Variants in RPL19 observed in about 807,000 individuals in gnomAD.
RPL19 encodes the protein ribosomal protein L19.
RPL19 carries 2 observed loss-of-function variants against 25.1 expected under a neutral mutation model. That is an observed-to-expected ratio of 0.08 (90% CI 0.03 to 0.25). The LOEUF (loss-of-function observed/expected upper bound fraction) is 0.25, where lower values mean the gene tolerates loss of function less well. Ranked by LOEUF, RPL19 falls within the 10% of genes least tolerant of loss-of-function variation. RPL19 has a pLI of 1.00. For missense variants in RPL19, 123 were observed against 271.8 expected (o/e 0.45, Z 3.85); for synonymous variants, 89 against 91.2 (o/e 0.98, Z 0.14).
chr17:39,202,448 G>A lies in RPL19; in HGVS notation c.235+9G>A. 3 of 1,614,024 alleles carry A rather than the reference G, an allele frequency of 1.9e-6. No homozygotes were observed. The highest frequency in any genetic ancestry group is 1.7e-6 in the Non-Finnish European group (2 of 1,179,964). ...CAGGCACATGGGCATAGGTAAGTGT[G>A]GTCATCTTCTCCTTAAGAAATGATA... is the stretch of plus-strand genomic sequence containing the variant. On this transcript the variant is annotated intron_variant, in intron 3 of 5. Coordinates refer to ENST00000225430, the MANE Select transcript of RPL19 (RefSeq NM_000981.4).
At chr17:39,202,717 G>A in intron 3 of RPL19, 1 of 590,456 alleles carries the variant, frequency 1.7e-6, no homozygotes, top group Non-Finnish European at 3.0e-6. Flanking sequence ...CTTACAACGT[G>A]CTGTGTTGCC....
chr17:39,203,735 G>T (rs2046306173), intron 4 of RPL19, among the ~76,000 whole-genome samples: 1 of 151,404 alleles, frequency 6.6e-6, no homozygotes, highest in African/African-American at 2.4e-5. Flanking sequence ...TCGAACTCCT[G>T]GCCTCAAGTG....
intron 4 of RPL19, among the ~76,000 whole-genome samples, chr17:39,203,404 A>C (rs569588397): frequency 9.9e-4 from 150 of 151,620 alleles, no homozygotes; most frequent in African/African-American, 3.5e-3. Context: ...GATGGTCTCG[A>C]TCTCCTGGCC....
chr17:39,204,615 G>T lies in RPL19; in HGVS notation c.558G>T (p.Lys186Asn). Reference protein sequence around the residue: ...RLQAKKEEIIKTLSKEEETKK With the variant: ...RLQAKKEEIINTLSKEEETKK ...AGGCCAAGAAGGAGGAGATCATCAA[G>T]ACTTTATCCAAGGAGGAAGAGACCA... is the stretch of plus-strand genomic sequence containing the variant. Residue 186 changes from lysine to asparagine, a missense_variant, in exon 6 of 6, where the codon AAG (lysine) becomes AAT (asparagine). Coordinates refer to ENST00000225430, the MANE Select transcript of RPL19 (RefSeq NM_000981.4). 6.2e-7 allele frequency: 1 copy of T among 1,614,150 alleles called. No individual in the cohort carries two copies. The highest frequency in any genetic ancestry group is 1.1e-5 in the South Asian group (1 of 91,074).
In RPL19 at chr17:39,203,116, A is replaced by G; in HGVS notation, c.356+7A>G. 4 of 1,605,080 alleles carry G rather than the reference A, an allele frequency of 2.5e-6. No individual in the cohort carries two copies. Among genetic ancestry groups the G allele is most frequent in the Non-Finnish European group, 3.4e-6 (4 of 1,175,710 alleles). ...AGAAGATCGATCGCCACATGTAAGC[A>G]CACCCTCTTGGGCCCAGTACCCATT... is the stretch of plus-strand genomic sequence containing the variant. On this transcript the variant is annotated splice_region_variant and intron_variant, in intron 4 of 5. Transcript: ENST00000225430.
At chr17:39,204,352 C>G (rs540599439) in intron 5 of RPL19, among the ~76,000 whole-genome samples, 165 bp downstream of exon 5, 1 of 152,352 alleles carries the variant, frequency 6.6e-6, no homozygotes, top group South Asian at 2.1e-4. Context: ...TACACACCCA[C>G]TCTTCCTGTC....
At chr17:39,202,967 T>A in intron 3 of RPL19, 22 bp from the exon 4 acceptor site, 11 of 1,613,798 alleles carry the variant, frequency 6.8e-6, no homozygotes, top group Non-Finnish European at 8.5e-6. Context: ...AGTGGCCCGT[T>A]CCTAACTCAT....
In RPL19 at chr17:39,202,997, A is replaced by G. The variant is rs2046301210; in HGVS notation, c.244A>G (p.Lys82Glu). The G allele has an allele frequency of 1.2e-6, 2 of 1,613,692 alleles. No individual in the cohort carries two copies. Among genetic ancestry groups the G allele is most frequent in the Admixed American group, 1.7e-5 (1 of 59,956 alleles). The change falls in exon 4 of 6, where the codon AAG becomes GAG. Residue 82 changes from lysine to glutamate, a missense_variant. Coordinates refer to ENST00000225430, the MANE Select transcript of RPL19 (RefSeq NM_000981.4). Reference protein sequence around the residue: ...KGRHMGIGKRKGTANARMPEK... With the variant: ...KGRHMGIGKREGTANARMPEK... ...ACTCATCTTCTCCACAGGTAAGCGGAAGGGTACAGCCAATGCCCGAATGCC... is the reference window on the plus strand; with the variant it reads ...ACTCATCTTCTCCACAGGTAAGCGGGAGGGTACAGCCAATGCCCGAATGCC...
chr17:39,203,174 A>ATTTTTTTTTTTTTTTTTTTTTTTTT (rs59332263), intron 4 of RPL19, 65 bp downstream of exon 4: 1 of 499,594 alleles, frequency 2.0e-6, no homozygotes. Context: ...TTTCCCAGAG[A>ATTTTTTTTTTTTTTTTTTTTTTTTT]TTTTTTTTTT....
At position 39,202,412 on chromosome 17, in the gene RPL19, C is replaced by T. The variant is rs766302055; in HGVS notation, c.208C>T (p.Arg70Cys). The part of the protein sequence containing the change: ...RARCRKNTLA[R>C]RKGRHMGIGK... ...TCGATGCCGGAAAAACACCTTGGCC[C>T]GCCGGAAGGGCAGGCACATGGGCAT... is the stretch of plus-strand genomic sequence containing the variant. The change falls in exon 3 of 6, where the codon CGC becomes TGC. Residue 70 changes from arginine to cysteine, a missense_variant. Arg to Cys is a radical substitution (Grantham distance 180). Transcript: ENST00000225430. 12 of 1,614,200 alleles carry T rather than the reference C, an allele frequency of 7.4e-6. No individual in the cohort carries two copies. Among genetic ancestry groups the T allele is most frequent in the Admixed American group, 1.7e-5 (1 of 60,022 alleles).
At chr17:39,202,933 T>C in intron 3 of RPL19, 56 bp from the exon 4 acceptor site, 1 of 1,598,376 alleles carries the variant, frequency 6.3e-7, no homozygotes, top group Non-Finnish European at 8.6e-7. Context: ...TCACTTGGTG[T>C]ACTTATACAC....
In RPL19 at chr17:39,200,313, A is replaced by T. The variant is rs544558802; in HGVS notation, c.-32A>T. 5.8e-6 allele frequency: 9 copies of T among 1,541,778 alleles called. No individual in the cohort carries two copies. The Admixed American group carries it at 8.4e-5, about 14-fold the overall frequency. On this transcript the variant is annotated 5_prime_UTR_variant, in exon 1 of 6. Transcript: ENST00000225430. ...TAATGGGAGGAGCCGGGCCCGAGCG[A>T]GCTCTTTCCTTTCGCTGCTGCGGCC...
At chr17:39,202,666 G>T in intron 3 of RPL19, 1 of 613,296 alleles carries the variant, frequency 1.6e-6, no homozygotes, top group East Asian at 2.9e-5. Context: ...CTATGCCAAG[G>T]ATTCTGTACT....
intron 1 of RPL19, 50 bp from the exon 2 acceptor site, chr17:39,201,163 C>T (rs1157546351): frequency 2.3e-6 from 3 of 1,289,254 alleles, no homozygotes; most frequent in Admixed American, 3.7e-5. Flanking sequence ...GACGTTCATT[C>T]TTGCCCAGGA....
chr17:39,201,154 A>T (rs772743158), intron 1 of RPL19, 59 bp from the exon 2 acceptor site: 2 of 1,103,592 alleles, frequency 1.8e-6, no homozygotes, highest in African/African-American at 3.1e-5. Flanking sequence ...CTTGATGGGG[A>T]CGTTCATTCT....
rs1394096367 is a variant in RPL19, at chr17:39,201,218, T to C, written c.11T>C (p.Leu4Pro). 1 of 1,610,108 alleles carries C rather than the reference T, an allele frequency of 6.2e-7. No individual in the cohort carries two copies. Among genetic ancestry groups the C allele is most frequent in the Non-Finnish European group, 8.5e-7 (1 of 1,177,444 alleles). ...CATGTTTTCTGTGTGTCTAGTATGCTCAGGCTTCAGAAGAGGCTCGCCTCT... is the reference window on the plus strand; with the variant it reads ...CATGTTTTCTGTGTGTCTAGTATGCCCAGGCTTCAGAAGAGGCTCGCCTCT... Reference protein sequence around the residue: MSMLRLQKRLASSV... With the variant: MSMPRLQKRLASSV... The change falls in exon 2 of 6, where the codon CTC (leucine) becomes CCC (proline). Residue 4 changes from leucine (L) to proline (P), a missense_variant. Transcript: ENST00000225430.
intron 1 of RPL19, chr17:39,200,844 A>G (rs188534282): frequency 5.5e-4 from 467 of 846,412 alleles, no homozygotes; most frequent in Non-Finnish European, 6.6e-4. Context: ...AAACAGGGAA[A>G]TAAGCCCAGA....
Position 39,202,457 on chromosome 17 carries a change from C to G in RPL19, c.235+18C>G, listed in dbSNP as rs777208191. The G allele has an allele frequency of 6.2e-7, 1 of 1,613,960 alleles. No individual in the cohort carries two copies. Among genetic ancestry groups the G allele is most frequent in the Non-Finnish European group, 8.5e-7 (1 of 1,179,886 alleles). ...GGGCATAGGTAAGTGTGGTCATCTT[C>G]TCCTTAAGAAATGATAGGTGCTGGC... On this transcript the variant is annotated intron_variant, in intron 3 of 5. Coordinates refer to ENST00000225430, the MANE Select transcript of RPL19 (RefSeq NM_000981.4).
At chr17:39,200,571 G>A in intron 1 of RPL19, 1 of 1,287,986 alleles carries the variant, frequency 7.8e-7, no homozygotes, top group Middle Eastern at 3.0e-4. Flanking sequence ...GCCCCGGCTG[G>A]TGCCGCACCG....
Sources: gnomAD v4.1 joint callset for allele counts (sites outside exome capture counted in the v4.1 genomes callset) on GRCh38, gnomAD v4.1.1 for gene constraint, MANE v1.5 for transcripts, NCBI Gene and HGNC (gene_info 2026-07-23, HGNC 2026-07-21) for gene names.